Variants in CNBD1 observed in about 807,000 individuals in gnomAD.
CNBD1 encodes the protein cyclic nucleotide-binding domain-containing protein 1.
Under a neutral mutation model 54.4 loss-of-function variants are expected in CNBD1, and 71 were observed. That is an observed-to-expected ratio of 1.30 (90% confidence interval 1.08 to 1.59). CNBD1 has a LOEUF of 1.59. CNBD1 is among the 40% of genes most tolerant of loss of function. The pLI is 0.00. For synonymous variants in CNBD1, 182 were observed against 170.7 expected (o/e 1.07, Z -0.51); for missense variants, 659 against 518.0 (o/e 1.27, Z -2.64).
intron 8 of CNBD1, among the ~76,000 whole-genome samples, chr8:87,319,152 A>T (rs545207510): frequency 1.3e-5 from 2 of 152,238 alleles, no homozygotes; most frequent in East Asian, 3.9e-4. Flanking sequence ...AAGGATATTG[A>T]TTGATAATGT....
intron 4 of CNBD1, among the ~76,000 whole-genome samples, chr8:86,968,399 A>G (rs1283625504): frequency 3.3e-5 from 5 of 152,136 alleles, no homozygotes; most frequent in Non-Finnish European, 7.3e-5. Context: ...TCTAATACCT[A>G]AAGAAAGAGT....
chr8:87,355,223 A>G (rs1014047522), intron 10 of CNBD1, among the ~76,000 whole-genome samples: 1 of 152,218 alleles, frequency 6.6e-6, no homozygotes, highest in African/African-American at 2.4e-5. Context: ...GTTAGAATAT[A>G]TTAGCAATAT....
At chr8:87,172,296 C>T (rs1354585804) in intron 4 of CNBD1, among the ~76,000 whole-genome samples, 1 of 152,038 alleles carries the variant, frequency 6.6e-6, no homozygotes, top group Non-Finnish European at 1.5e-5. Context: ...TACATATGGT[C>T]ACATGTCAAG....
chr8:87,385,241 T>C (rs1323078629), downstream of CNBD1, among the ~76,000 whole-genome samples: 1 of 152,108 alleles, frequency 6.6e-6, no homozygotes, highest in East Asian at 1.9e-4. Flanking sequence ...GCTACCGGGT[T>C]CATCTCACTG....
chr8:87,362,522 A>G (rs1330802664), intron 10 of CNBD1, among the ~76,000 whole-genome samples: 1 of 152,110 alleles, frequency 6.6e-6, no homozygotes, highest in Non-Finnish European at 1.5e-5. Context: ...AGCTATTACT[A>G]TAGCTAATGC....
At chr8:87,107,119 C>T (rs1811556466) in intron 4 of CNBD1, among the ~76,000 whole-genome samples, 1 of 152,166 alleles carries the variant, frequency 6.6e-6, no homozygotes, top group Non-Finnish European at 1.5e-5. Flanking sequence ...TGAGCCACCG[C>T]ACCCGGCCTG....
At chr8:87,005,613 A>G (rs1809082303) in intron 4 of CNBD1, among the ~76,000 whole-genome samples, 1 of 151,926 alleles carries the variant, frequency 6.6e-6, no homozygotes, top group African/African-American at 2.4e-5. Context: ...CTAGGAATTC[A>G]GTAGGATTAT....
chr8:87,151,369 A>T (rs949321026), intron 4 of CNBD1, among the ~76,000 whole-genome samples: 4 of 152,222 alleles, frequency 2.6e-5, no homozygotes. Flanking sequence ...TACTAATGAA[A>T]CTCACATTCT....
chr8:87,280,697 A>G (rs1808584045), intron 6 of CNBD1, among the ~76,000 whole-genome samples: 1 of 151,638 alleles, frequency 6.6e-6, no homozygotes, highest in Non-Finnish European at 1.5e-5. Context: ...TATAAAATGC[A>G]GTTTAGAACA....
intron 7 of CNBD1, among the ~76,000 whole-genome samples, chr8:87,285,096 CTCAT>C (rs1412237759): frequency 1.3e-5 from 2 of 151,064 alleles, no homozygotes; most frequent in Admixed American, 6.6e-5. Flanking sequence ...CATTCACTCA[CTCAT>C]TCATTCAACA....
downstream of CNBD1, among the ~76,000 whole-genome samples, chr8:87,385,766 G>A (rs770153746): frequency 3.9e-5 from 6 of 152,158 alleles, no homozygotes; most frequent in South Asian, 2.1e-4. Flanking sequence ...TTTGAAGAGA[G>A]TAGTGGTTCT....
At chr8:87,208,843 C>T (rs941200762) in intron 5 of CNBD1, among the ~76,000 whole-genome samples, 1 of 152,016 alleles carries the variant, frequency 6.6e-6, no homozygotes, top group African/African-American at 2.4e-5. Context: ...ATCTCAAAAA[C>T]TCCGTAATTC....
At chr8:87,378,741 G>C (rs1035771500) in intron 10 of CNBD1, among the ~76,000 whole-genome samples, 1 of 151,154 alleles carries the variant, frequency 6.6e-6, no homozygotes, top group South Asian at 2.1e-4. Context: ...AAATTACCTT[G>C]GGCAGTATGG....
At chr8:87,192,085 T>TA (rs1813622502) in intron 4 of CNBD1, among the ~76,000 whole-genome samples, 1 of 152,296 alleles carries the variant, frequency 6.6e-6, no homozygotes, top group African/African-American at 2.4e-5. Context: ...ATCAAAATGA[T>TA]AAAAAATTGT....
At chr8:87,199,122 T>C (rs748558194) in intron 4 of CNBD1, among the ~76,000 whole-genome samples, 5 of 152,166 alleles carry the variant, frequency 3.3e-5, no homozygotes, top group Non-Finnish European at 7.3e-5. Flanking sequence ...AGGAATCCAC[T>C]CCCAGGATCC....
intron 9 of CNBD1, among the ~76,000 whole-genome samples, chr8:87,353,077 C>A (rs768678436): frequency 1.3e-5 from 2 of 152,118 alleles, no homozygotes; most frequent in African/African-American, 2.4e-5. Flanking sequence ...TCCTGTAGGC[C>A]CTTCTCCACA....
intron 1 of CNBD1, among the ~76,000 whole-genome samples, chr8:86,876,836 G>T (rs1808528177): frequency 6.6e-6 from 1 of 151,894 alleles, no homozygotes; most frequent in Non-Finnish European, 1.5e-5. Context: ...CATCCTTAGT[G>T]ATTCATTTCC....
intron 2 of CNBD1, among the ~76,000 whole-genome samples, chr8:87,400,566 G>A (rs1807544340): frequency 6.6e-6 from 1 of 151,940 alleles, no homozygotes; most frequent in Admixed American, 6.6e-5. Flanking sequence ...CCCAAGTTCA[G>A]GACACAAGGA....
At chr8:87,219,505 G>T (rs1375122685) in intron 5 of CNBD1, among the ~76,000 whole-genome samples, 1 of 151,788 alleles carries the variant, frequency 6.6e-6, no homozygotes, top group East Asian at 1.9e-4. Flanking sequence ...CTAATGACAG[G>T]ATGTCTAAAG....
Sources: allele counts gnomAD v4.1 joint callset (sites outside exome capture counted in the v4.1 genomes callset), GRCh38; gene constraint gnomAD v4.1.1; transcripts MANE v1.5; gene names NCBI Gene and HGNC (gene_info 2026-07-23, HGNC 2026-07-21).